GLI2: variants seen among roughly 807,000 people sequenced by gnomAD.
GLI2 encodes GLI family zinc finger 2.
A neutral mutation model predicts 78.9 loss-of-function variants in GLI2; 22 were observed. That is an observed-to-expected ratio of 0.28 (90% CI 0.20 to 0.40). GLI2 has a LOEUF of 0.40. GLI2 is among the 10% of genes least tolerant of loss of function. GLI2 has a pLI of 1.00. For missense variants in GLI2, 2,097 were observed against 2,213.2 expected (o/e 0.95, Z 1.05); for synonymous variants, 974 against 963.7 (o/e 1.01, Z -0.20).
At chr2:120,912,638 C>G (rs575869635) in intron 2 of GLI2, among the ~76,000 whole-genome samples, 3 of 152,194 alleles carry the variant, frequency 2.0e-5, no homozygotes, top group Non-Finnish European at 4.4e-5. Flanking sequence ...GGGAGCCAGG[C>G]GTCCGAAAGT....
intron 2 of GLI2, among the ~76,000 whole-genome samples, chr2:120,889,663 C>CA (rs551022896): frequency 1.3e-3 from 193 of 151,806 alleles, no homozygotes; most frequent in African/African-American, 4.6e-3. Flanking sequence ...AGAAAATGGG[C>CA]AAAAAACAGA....
intron 1 of GLI2, among the ~76,000 whole-genome samples, chr2:120,743,683 G>C (rs1365804723): frequency 6.6e-6 from 1 of 152,228 alleles, no homozygotes; most frequent in Non-Finnish European, 1.5e-5. Context: ...GTTATCCCCA[G>C]GGACTGGGAG....
At chr2:120,848,014 G>C (rs1687203940) in intron 2 of GLI2, among the ~76,000 whole-genome samples, 1 of 152,212 alleles carries the variant, frequency 6.6e-6, no homozygotes, top group Non-Finnish European at 1.5e-5. Context: ...GCTCAGAGCA[G>C]CCCTTGTGAG....
intron 9 of GLI2, among the ~76,000 whole-genome samples, chr2:120,977,840 T>C (rs918354896): frequency 4.6e-5 from 7 of 152,248 alleles, no homozygotes; most frequent in Non-Finnish European, 7.3e-5. Context: ...CTGAACTCTC[T>C]GTGCCTTTGT....
chr2:120,828,861 C>CAAAA (rs3053863), intron 2 of GLI2, among the ~76,000 whole-genome samples: 54,125 of 125,824 alleles, frequency 0.43, 12,629 homozygotes, highest in East Asian at 0.61. Context: ...CTTCCAACTC[C>CAAAA]AAAAAAAAAA....
intron 1 of GLI2, among the ~76,000 whole-genome samples, chr2:120,756,903 G>T (rs180806632): frequency 4.6e-5 from 7 of 152,262 alleles, no homozygotes; most frequent in Admixed American, 2.6e-4. Context: ...ATATTAGGCA[G>T]CTTGAAGTTA....
chr2:120,799,464 C>T (rs752935074), intron 2 of GLI2, among the ~76,000 whole-genome samples: 3 of 152,210 alleles, frequency 2.0e-5, no homozygotes, highest in Non-Finnish European at 4.4e-5. Context: ...CCTCACCCAT[C>T]GCTGCTCCCT....
At chr2:120,946,096 T>A (rs1680698230) in intron 3 of GLI2, among the ~76,000 whole-genome samples, 1 of 152,076 alleles carries the variant, frequency 6.6e-6, no homozygotes. Flanking sequence ...AATGTCACCT[T>A]CTCTGAGAAG....
chr2:120,846,189 A>C lies in GLI2; in HGVS notation c.148+48721A>C, dbSNP rs527774017. 9.1e-4 allele frequency among the ~76,000 whole-genome samples: 139 copies of C among 152,342 alleles called. 2 individuals are homozygous for C. The highest frequency in any genetic ancestry group is 3.4e-3 in the Middle Eastern group (1 of 294). On this transcript the variant is annotated intron_variant, in intron 2 of 13. Transcript: ENST00000361492. Reference sequence around the variant, plus strand: ...GTGGCCTCCCTTCCACCTTCTTCAAAGCCACCCAATTGGGGTCATTTTCCT... The same window carrying C: ...GTGGCCTCCCTTCCACCTTCTTCAACGCCACCCAATTGGGGTCATTTTCCT...
chr2:120,886,412 C>T (rs561821704), intron 2 of GLI2, among the ~76,000 whole-genome samples: 3 of 152,036 alleles, frequency 2.0e-5, no homozygotes, highest in East Asian at 1.9e-4. Flanking sequence ...ACCACAGGCG[C>T]GCACCACCAC....
At chr2:120,788,103 C>A (rs1320218887) in intron 1 of GLI2, among the ~76,000 whole-genome samples, 1 of 152,208 alleles carries the variant, frequency 6.6e-6, no homozygotes, top group Non-Finnish European at 1.5e-5. Context: ...TTCTGTTTAT[C>A]CCCACTTAAC....
chr2:120,982,636 G>C, intron 10 of GLI2, 80 bp from the exon 11 acceptor site: 1 of 1,216,154 alleles, frequency 8.2e-7, no homozygotes, highest in Non-Finnish European at 1.2e-6. Flanking sequence ...GAGCAGAGAA[G>C]GGGGTGGGGA....
At chr2:120,812,710 TTTC>T (rs1435184327) in intron 2 of GLI2, among the ~76,000 whole-genome samples, 1 of 152,168 alleles carries the variant, frequency 6.6e-6, no homozygotes, top group Non-Finnish European at 1.5e-5. Flanking sequence ...GGGGAGCCCC[TTTC>T]TCCTGTTGCC....
At chr2:120,871,592 C>T (rs1688435194) in intron 2 of GLI2, among the ~76,000 whole-genome samples, 1 of 152,180 alleles carries the variant, frequency 6.6e-6, no homozygotes, top group Admixed American at 6.5e-5. Context: ...ATAGGTATGG[C>T]TTGCAAAGGA....
At chr2:120,766,118 C>G (rs578009720) in intron 1 of GLI2, among the ~76,000 whole-genome samples, 1 of 152,138 alleles carries the variant, frequency 6.6e-6, no homozygotes. Flanking sequence ...GAGGTTCACG[C>G]GGCAAGGCTG....
intron 1 of GLI2, among the ~76,000 whole-genome samples, chr2:120,773,284 C>T (rs1489911731): frequency 6.6e-6 from 1 of 152,100 alleles, no homozygotes; most frequent in Non-Finnish European, 1.5e-5. Flanking sequence ...CATCCGGGCC[C>T]GGGTAGGATA....
chr2:120,867,555 CG>C (rs1291867220), intron 2 of GLI2, among the ~76,000 whole-genome samples: 6 of 152,206 alleles, frequency 3.9e-5, no homozygotes, highest in Non-Finnish European at 8.8e-5. Flanking sequence ...CCCGCACCGC[CG>C]CCCCTCTGGG....
At chr2:120,859,670 G>A (rs542368663) in intron 2 of GLI2, among the ~76,000 whole-genome samples, 1 of 152,018 alleles carries the variant, frequency 6.6e-6, no homozygotes, top group East Asian at 1.9e-4. Flanking sequence ...GGCCACAATG[G>A]TCTCCATCTC....
chr2:120,858,068 CG>C (rs1008892877), intron 2 of GLI2, among the ~76,000 whole-genome samples: 13 of 151,952 alleles, frequency 8.6e-5, no homozygotes, highest in Admixed American at 2.6e-4. Context: ...GTAGGGTGGT[CG>C]AGGTGAGAAG....
Sources: gnomAD v4.1 joint callset for allele counts (sites outside exome capture counted in the v4.1 genomes callset) on GRCh38, gnomAD v4.1.1 for gene constraint, MANE v1.5 for transcripts, NCBI Gene and HGNC (gene_info 2026-07-23, HGNC 2026-07-21) for gene names.